The following IFITM10 variants were observed in gnomAD, a reference collection of about 807,000 sequenced individuals.
IFITM10 encodes interferon-induced transmembrane protein 10.
In IFITM10, 17 loss-of-function variants were observed where a neutral mutation model predicts 19.0. That is an observed-to-expected ratio of 0.90 (90% CI 0.61 to 1.34). The LOEUF (loss-of-function observed/expected upper bound fraction) is 1.34. IFITM10 is among the 40% of genes most tolerant of loss of function. IFITM10 has a pLI of 0.00. For synonymous variants in IFITM10, 148 were observed against 147.2 expected, an observed-to-expected ratio of 1.01 and a Z score of -0.04; for missense variants, 306 against 319.8, an observed-to-expected ratio of 0.96 and a Z score of 0.33.
intron 2 of IFITM10, among the ~76,000 whole-genome samples, chr11:1,743,126 AGATGGATGGATATG>A (rs1354942053): frequency 7.1e-6 from 1 of 140,518 alleles, no homozygotes; most frequent in East Asian, 2.3e-4. Flanking sequence ...GAGGATGAAT[AGATGGATGGATATG>A]GATGGATGGA....
rs1218797920 is a variant in IFITM10 at position 1,734,543 on chromosome 11, T to A, written c.*737A>T. ...CTCTGATTTGGCCAATGCAGGCAGC[T>A]GAGGCTGTGCCCCACCCCCTTCCGT... On this transcript the variant is annotated 3_prime_UTR_variant, in exon 3 of 3. Transcript: ENST00000340134. 6.6e-6 allele frequency: 1 copy of A among 152,576 alleles called. No homozygotes were observed. Among genetic ancestry groups the A allele is most frequent in the Admixed American group, 6.5e-5 (1 of 15,290 alleles). The allele number at this position is 152,576 out of a possible 1,614,324, so 9.5% of individuals were successfully genotyped here. A position where few individuals can be genotyped will look rare whatever the true frequency, so the allele number is the denominator to read the frequency against.
Position 1,749,211 on chromosome 11 carries a change from G to A in IFITM10, c.85-1092C>T, listed in dbSNP as rs1380721831. 8 of 529,104 alleles carry A rather than the reference G, an allele frequency of 1.5e-5. No homozygotes were observed. The South Asian group carries it at 2.4e-4, about 16-fold the overall frequency. 32.8% of individuals were successfully genotyped at this position (529,104 alleles called of 1,614,324 possible). On this transcript the variant is annotated intron_variant, in intron 1 of 2. Coordinates refer to ENST00000340134, the MANE Select transcript of IFITM10 (RefSeq NM_001170820.4). ...TGCGCTCCCTCCGCAGCGCCAGACC[G>A]GCCGCGCGGCTGCAGCCCAGAGCCT...
intron 2 of IFITM10, 84 bp downstream of exon 2, chr11:1,747,583 G>A (rs952414090): frequency 3.2e-6 from 4 of 1,235,216 alleles, no homozygotes; most frequent in Admixed American, 2.1e-5. Flanking sequence ...AGAGGGAGAG[G>A]GGCCGAGCGC....
At position 1,732,963 on chromosome 11, in the gene IFITM10, T is replaced by C. The variant is rs1851043669; in HGVS notation, c.*2317A>G. On this transcript the variant is annotated 3_prime_UTR_variant, in exon 3 of 3. Coordinates refer to ENST00000340134, the MANE Select transcript of IFITM10 (RefSeq NM_001170820.4). ...TAGGCAAAGAAAGCATTTGCCCCTCTACTTTCTTCCCTCCCAGGCATAACA... is the reference window on the plus strand; with the variant it reads ...TAGGCAAAGAAAGCATTTGCCCCTCCACTTTCTTCCCTCCCAGGCATAACA... 6.6e-6 allele frequency: 1 copy of C among 152,220 alleles called. No individual in the cohort carries two copies. The highest frequency in any genetic ancestry group is 2.1e-4 in the South Asian group (1 of 4,824). The allele number at this position is 152,220 out of a possible 1,614,324, so 9.4% of individuals were successfully genotyped here.
chr11:1,746,269 TACAC>T (rs3047256), intron 2 of IFITM10: 4 of 291,090 alleles, frequency 1.4e-5, no homozygotes, highest in Non-Finnish European at 1.9e-5. Context: ...CCCACGTAAT[TACAC>T]ACATGCACAC....
At chr11:1,748,392 C>T (rs886193215) in intron 1 of IFITM10, 1 of 385,768 alleles carries the variant, frequency 2.6e-6, no homozygotes, top group East Asian at 3.7e-5. Flanking sequence ...CACAACAGCA[C>T]CCCCCGCCCC....
intron 2 of IFITM10, chr11:1,745,666 CGT>C (rs1371294629): frequency 2.0e-5 from 3 of 152,404 alleles, no homozygotes; most frequent in Non-Finnish European, 4.4e-5. Context: ...GAACCACACA[CGT>C]GTGATTACAC....
At position 1,735,384 on chromosome 11, in the gene IFITM10, C is replaced by G. The variant is rs1851075800; in HGVS notation, c.583G>C (p.Asp195His). 1 of 1,551,592 alleles carries G rather than the reference C, an allele frequency of 6.4e-7. No individual in the cohort carries two copies. Among genetic ancestry groups the G allele is most frequent in the South Asian group, 1.2e-5 (1 of 84,064 alleles). ...TTGAACAGCCGGGCCGTCTTTGCAT[C>G]CTCCACGGCTCCATTCAGGTCATTG... ...LLNDLNGAVE[D>H]AKTARLFNIT... The change falls in exon 3 of 3, where the codon GAT (aspartate) becomes CAT (histidine). Residue 195 changes from aspartate to histidine, a missense_variant. Transcript: ENST00000340134.
chr11:1,750,590 T>C lies in IFITM10; in HGVS notation c.-148A>G. 2 of 1,011,024 alleles carry C rather than the reference T, an allele frequency of 2.0e-6. No homozygotes were observed. Among genetic ancestry groups the C allele is most frequent in the Non-Finnish European group, 2.9e-6 (2 of 692,502 alleles). The allele number at this position is 1,011,024 out of a possible 1,614,324, so 62.6% of individuals were successfully genotyped here. A position where few individuals can be genotyped will look rare whatever the true frequency, so the allele number is the denominator to read the frequency against. On this transcript the variant is annotated 5_prime_UTR_variant, in exon 1 of 3. Transcript: ENST00000340134. Reference sequence around the variant, plus strand: ...CCTGCCTGTGCCTGACTCTGAACCCTTTCTCTCCCCAAACCTCTGTTCTGA... The same window carrying C: ...CCTGCCTGTGCCTGACTCTGAACCCCTTCTCTCCCCAAACCTCTGTTCTGA...
intron 2 of IFITM10, chr11:1,746,805 G>T: frequency 2.5e-6 from 1 of 398,708 alleles, no homozygotes; most frequent in Non-Finnish European, 4.4e-6. Context: ...CTGGGCTGGG[G>T]AAATGTGATG....
Position 1,735,220 on chromosome 11 carries a change from G to T in IFITM10, c.*60C>A. 6.6e-7 allele frequency: 1 copy of T among 1,521,422 alleles called. No homozygotes were observed. The highest frequency in any genetic ancestry group is 8.9e-7 in the Non-Finnish European group (1 of 1,124,084). The allele number at this position is 1,521,422 out of a possible 1,614,324, so 94.2% of individuals were successfully genotyped here. On this transcript the variant is annotated 3_prime_UTR_variant, in exon 3 of 3. Coordinates refer to ENST00000340134, the MANE Select transcript of IFITM10 (RefSeq NM_001170820.4). Reference sequence around the variant, plus strand: ...ACCTCATGGGATCCTGCGTTTCAGGGACCATGAGAATAAACATGTCTCAGT... The same window carrying T: ...ACCTCATGGGATCCTGCGTTTCAGGTACCATGAGAATAAACATGTCTCAGT...
chr11:1,736,769 A>G (rs1343235090), intron 2 of IFITM10, among the ~76,000 whole-genome samples: 3 of 148,220 alleles, frequency 2.0e-5, no homozygotes, highest in East Asian at 2.0e-4. Context: ...GAGTGGAGTC[A>G]ATGGAATGGA....
At chr11:1,742,565 G>A (rs1386564360) in intron 2 of IFITM10, among the ~76,000 whole-genome samples, 1 of 152,216 alleles carries the variant, frequency 6.6e-6, no homozygotes, top group Non-Finnish European at 1.5e-5. Context: ...GGAAGGGCGG[G>A]TGGATGTCTT....
intron 1 of IFITM10, 54 bp from the exon 2 acceptor site, chr11:1,748,173 C>T: frequency 8.2e-7 from 1 of 1,221,284 alleles, no homozygotes; most frequent in Non-Finnish European, 1.0e-6. Flanking sequence ...CCAGCACCCA[C>T]CCTCACGCCC....
chr11:1,742,056 A>G (rs1845574987), intron 2 of IFITM10, among the ~76,000 whole-genome samples: 1 of 152,288 alleles, frequency 6.6e-6, no homozygotes, highest in South Asian at 2.1e-4. Flanking sequence ...CAACTAATCT[A>G]TGATAATTCA....
Position 1,735,162 on chromosome 11 carries a change from G to A in IFITM10, c.*118C>T. The stretch of plus-strand genomic sequence containing the variant: ...TTGCTGCCCAGTTCACAGCTCAAGG[G>A]GGCCCCAGGACAAGAAGCCCTGCCC... On this transcript the variant is annotated 3_prime_UTR_variant, in exon 3 of 3. Transcript: ENST00000340134. 1.7e-6 allele frequency: 2 copies of A among 1,155,304 alleles called. No homozygotes were observed. Among genetic ancestry groups the A allele is most frequent in the East Asian group, 5.2e-5 (2 of 38,728 alleles). The allele number at this position is 1,155,304 out of a possible 1,614,324, so 71.6% of individuals were successfully genotyped here.
In IFITM10 at chr11:1,747,918, A is replaced by G. The variant is rs768805632; in HGVS notation, c.286T>C (p.Ser96Pro). ...AACAGTGTGGGCGCCATCGGGGGAG[A>G]GGCCGAGGGCTCAGGGGCAGGGGCC... ...PAAPAPEPSA[S>P]PPMAPTLFPM... Residue 96 changes from serine to proline, a missense_variant, in exon 2 of 3, where the codon TCT (serine) becomes CCT (proline). Physicochemically the swap from Ser to Pro is moderately conservative, Grantham distance 74 (BLOSUM62 -1). Transcript: ENST00000340134. The G allele has an allele frequency of 1.0e-5, 15 of 1,491,598 alleles. No homozygotes were observed. In the South Asian group the frequency reaches 2.0e-4, roughly 20 times the overall value. 92.4% of individuals were successfully genotyped at this position (1,491,598 alleles called of 1,614,324 possible). A position where few individuals can be genotyped will look rare whatever the true frequency, so the allele number is the denominator to read the frequency against.
chr11:1,737,964 G>A (rs1227131024), intron 2 of IFITM10, among the ~76,000 whole-genome samples: 1 of 152,168 alleles, frequency 6.6e-6, no homozygotes, highest in African/African-American at 2.4e-5. Context: ...GGAGCGGAGG[G>A]CAGGAGGCTG....
rs763673593 is a variant in IFITM10, at chr11:1,750,415, A to G, written c.28T>C (p.Cys10Arg). The G allele has an allele frequency of 2.0e-5, 31 of 1,550,064 alleles. No homozygotes were observed. In the South Asian group the frequency reaches 3.6e-4, roughly 18 times the overall value. MREGKRGPPCILSFRGTLER... is the reference protein window; with the variant it reads MREGKRGPPRILSFRGTLER... ...AAAGTCCCCCGGAAGCTGAGGATGC[A>G]TGGCGGCCCCCGTTTTCCCTCCCTC... Residue 10 changes from cysteine to arginine, a missense_variant, in exon 1 of 3, where the codon TGC (cysteine) becomes CGC (arginine). Transcript: ENST00000340134.
Sources: allele counts gnomAD v4.1 joint callset (sites outside exome capture counted in the v4.1 genomes callset), GRCh38; gene constraint gnomAD v4.1.1; transcripts MANE v1.5; gene names NCBI Gene and HGNC (gene_info 2026-07-23, HGNC 2026-07-21).